Variants in RBFOX1 observed in about 807,000 individuals in gnomAD.
RBFOX1 encodes the protein RNA binding fox-1 homolog 1, also known as RNA binding protein fox-1 homolog 1.
In RBFOX1, 8 loss-of-function variants were observed where a neutral mutation model predicts 57.7. That is an observed-to-expected ratio of 0.14 (90% CI 0.08 to 0.25). RBFOX1 has a LOEUF of 0.25. Among genes scored for constraint, RBFOX1 ranks in the 10% least tolerant of loss-of-function variants. The pLI is 1.00. For synonymous variants in RBFOX1, 326 were observed against 222.4 expected (o/e 1.47, Z -4.15); for missense variants, 611 against 548.5 (o/e 1.11, Z -1.14).
intron 5 of RBFOX1, among the ~76,000 whole-genome samples, chr16:7,538,384 C>G (rs2082055143): frequency 6.6e-6 from 1 of 152,102 alleles, no homozygotes. Flanking sequence ...TTATTACTGC[C>G]ACAACTACCT....
At chr16:5,669,498 C>T (rs2049951535) in intron 3 of RBFOX1, among the ~76,000 whole-genome samples, 2 of 145,064 alleles carry the variant, frequency 1.4e-5, no homozygotes, top group Non-Finnish European at 3.0e-5. Flanking sequence ...TGGCTCACTG[C>T]AACCTCCAAC....
At chr16:6,439,686 C>G (rs994992956) in intron 2 of RBFOX1, among the ~76,000 whole-genome samples, 1 of 152,124 alleles carries the variant, frequency 6.6e-6, no homozygotes, top group Non-Finnish European at 1.5e-5. Context: ...AACCCACAAG[C>G]AGCTGTAGCC....
chr16:7,503,439 T>C (rs1356784415), intron 4 of RBFOX1, among the ~76,000 whole-genome samples: 5 of 152,198 alleles, frequency 3.3e-5, no homozygotes, highest in African/African-American at 1.2e-4. Flanking sequence ...AGCGATATTA[T>C]CTCAAATTAT....
intron 5 of RBFOX1, among the ~76,000 whole-genome samples, chr16:7,552,661 G>C (rs1460719499): frequency 6.6e-6 from 1 of 152,048 alleles, no homozygotes; most frequent in African/African-American, 2.4e-5. Context: ...TCTTTGTTGT[G>C]AACGACTAAT....
intron 4 of RBFOX1, among the ~76,000 whole-genome samples, chr16:7,474,930 TG>T (rs1341267340): frequency 6.6e-6 from 1 of 152,226 alleles, no homozygotes; most frequent in Non-Finnish European, 1.5e-5. Context: ...ATGGAGTGCC[TG>T]TGTTGGTCAA....
intron 4 of RBFOX1, among the ~76,000 whole-genome samples, chr16:7,057,112 C>G (rs566513437): frequency 3.3e-5 from 5 of 151,926 alleles, no homozygotes; most frequent in Admixed American, 2.0e-4. Context: ...TATTTCACTT[C>G]TCTTCCTCCT....
intron 1 of RBFOX1, among the ~76,000 whole-genome samples, chr16:5,247,147 G>A (rs941030731): frequency 6.6e-6 from 1 of 152,122 alleles, no homozygotes; most frequent in South Asian, 2.1e-4. Flanking sequence ...ACACCACATT[G>A]TTGCTGGAAG....
intron 1 of RBFOX1, among the ~76,000 whole-genome samples, chr16:6,067,420 A>G (rs148519560): frequency 2.0e-4 from 31 of 152,244 alleles, no homozygotes; most frequent in African/African-American, 7.5e-4. Context: ...CCCTGAAAAT[A>G]CAAGCGAATG....
intron 2 of RBFOX1, among the ~76,000 whole-genome samples, chr16:6,378,092 G>C (rs956036914): frequency 1.3e-5 from 2 of 152,244 alleles, no homozygotes; most frequent in African/African-American, 4.8e-5. Context: ...GCTCCACCCT[G>C]TGCCCGCCTA....
chr16:6,435,127 G>A (rs1318904943), intron 2 of RBFOX1, among the ~76,000 whole-genome samples: 1 of 152,194 alleles, frequency 6.6e-6, no homozygotes, highest in Non-Finnish European at 1.5e-5. Flanking sequence ...TCAAAGGAAT[G>A]GAAGAGGATT....
chr16:7,190,925 C>G (rs957952903), intron 4 of RBFOX1, among the ~76,000 whole-genome samples: 2 of 149,402 alleles, frequency 1.3e-5, no homozygotes, highest in African/African-American at 4.9e-5. Context: ...TTACAAAGAC[C>G]TTTTTTTTTT....
At chr16:6,313,137 T>C (rs1567913078) in intron 1 of RBFOX1, among the ~76,000 whole-genome samples, 2 of 152,122 alleles carry the variant, frequency 1.3e-5, no homozygotes, top group Non-Finnish European at 2.9e-5. Flanking sequence ...GAGTAAAGTG[T>C]GGTCCAGAAT....
At chr16:5,533,347 G>T (rs75949000) in intron 2 of RBFOX1, among the ~76,000 whole-genome samples, 5,263 of 152,250 alleles carry the variant, frequency 0.035, 305 homozygotes, top group African/African-American at 0.12. Context: ...AAAAGGAAAG[G>T]TGCCCCCAAT....
At chr16:6,747,238 G>A (rs1012074699) in intron 3 of RBFOX1, among the ~76,000 whole-genome samples, 10 of 151,984 alleles carry the variant, frequency 6.6e-5, no homozygotes, top group Admixed American at 2.6e-4. Flanking sequence ...TGAAAACCCC[G>A]TCTCTACTAA....
intron 2 of RBFOX1, among the ~76,000 whole-genome samples, chr16:5,588,509 T>C (rs77862721): frequency 0.042 from 6,429 of 152,180 alleles, 444 homozygotes; most frequent in African/African-American, 0.14. Flanking sequence ...AGTTTTACAG[T>C]CCAGGCAATC....
At chr16:6,999,199 A>ATTTTAT (rs548534958) in intron 3 of RBFOX1, among the ~76,000 whole-genome samples, 1 of 100,880 alleles carries the variant, frequency 9.9e-6, no homozygotes, top group African/African-American at 3.7e-5. Flanking sequence ...ATTTTATTTT[A>ATTTTAT]TTTTTTATTT....
chr16:6,281,002 T>C (rs545456752), intron 1 of RBFOX1, among the ~76,000 whole-genome samples: 190 of 152,014 alleles, frequency 1.2e-3, no homozygotes, highest in African/African-American at 4.2e-3. Flanking sequence ...TGTGTATATA[T>C]GTATATATAT....
At chr16:5,303,999 C>T (rs1919046) in intron 1 of RBFOX1, among the ~76,000 whole-genome samples, 1 of 151,928 alleles carries the variant, frequency 6.6e-6, no homozygotes, top group Non-Finnish European at 1.5e-5. Context: ...TTTTAAAGAT[C>T]TAATATGAGA....
intron 2 of RBFOX1, among the ~76,000 whole-genome samples, chr16:6,612,009 A>G (rs1264859233): frequency 6.6e-6 from 1 of 152,068 alleles, no homozygotes; most frequent in Non-Finnish European, 1.5e-5. Context: ...CCCTTGATGA[A>G]AAAATTCCTT....
Sources: allele counts gnomAD v4.1 joint callset (sites outside exome capture counted in the v4.1 genomes callset), GRCh38; gene constraint gnomAD v4.1.1; transcripts MANE v1.5; gene names NCBI Gene and HGNC (gene_info 2026-07-23, HGNC 2026-07-21).